The following KMT2D variants were observed in gnomAD, a reference collection of about 807,000 sequenced individuals.
KMT2D encodes the protein lysine methyltransferase 2D, also known as histone-lysine N-methyltransferase 2D.
KMT2D carries 55 observed loss-of-function variants against 512.7 expected under a neutral mutation model. The observed-to-expected ratio is 0.11, with a 90% CI of 0.09 to 0.13. KMT2D has a LOEUF of 0.13. Among genes scored for constraint, KMT2D ranks in the 10% least tolerant of loss-of-function variants. The pLI, the probability that KMT2D is intolerant of heterozygous loss-of-function variation, is 1.00. For synonymous variants in KMT2D, 2,995 were observed against 2,904.0 expected, an observed-to-expected ratio of 1.03 and a Z score of -1.01; for missense variants, 6,061 against 7,127.9, an observed-to-expected ratio of 0.85 and a Z score of 5.39.
At position 49,050,211 on chromosome 12, in the gene KMT2D, T is replaced by A; in HGVS notation, c.3377A>T (p.Asp1126Val). The A allele has an allele frequency of 1.2e-6, 2 of 1,613,630 alleles. No individual in the cohort carries two copies. The highest frequency in any genetic ancestry group is 1.7e-6 in the Non-Finnish European group (2 of 1,179,812). ...SGLGEDTAPLDGIDAPGSQPE... is the reference protein window; with the variant it reads ...SGLGEDTAPLVGIDAPGSQPE... ...CTGTGAACCCGGAGCATCAATCCCA[T>A]CCAGAGGGGCTGTGTCTTCCCCTAG... Residue 1126 changes from aspartate to valine, a missense_variant, in exon 12 of 55, where the codon GAT (aspartate) becomes GTT (valine). By Grantham distance (152) the Asp-to-Val change is radical. Transcript: ENST00000301067.
At position 49,033,593 on chromosome 12, in the gene KMT2D, A is replaced by C. The variant is rs975555902; in HGVS notation, c.11112T>G (p.Leu3704=). The part of the protein sequence containing the change: ...GPSGGFFPGN[L]ALRSLGPDSR... Reference sequence around the variant, plus strand: ...AATCAGGTCCGAGGCTTCGAAGAGCAAGGTTGCCAGGGAAGAAGCCCCCTG... The same window carrying C: ...AATCAGGTCCGAGGCTTCGAAGAGCCAGGTTGCCAGGGAAGAAGCCCCCTG... The change falls in exon 40 of 55, where the codon CTT becomes CTG. Residue 3704 remains leucine (L), a synonymous_variant. Transcript: ENST00000301067. The C allele has an allele frequency of 6.2e-7, 1 of 1,613,532 alleles. No individual in the cohort carries two copies. The highest frequency in any genetic ancestry group is 8.5e-7 in the Non-Finnish European group (1 of 1,179,828).
intron 1 of KMT2D, among the ~76,000 whole-genome samples, chr12:49,055,845 T>C (rs1241620668): frequency 1.3e-5 from 2 of 151,970 alleles, no homozygotes; most frequent in African/African-American, 4.8e-5. Context: ...AGAGGCAGAG[T>C]CTGAGGCACT....
In KMT2D at chr12:49,052,596, G is replaced by A. The variant is rs1385730689; in HGVS notation, c.1226C>T (p.Pro409Leu). The A allele has an allele frequency of 6.2e-7, 1 of 1,613,408 alleles. No individual in the cohort carries two copies. Among genetic ancestry groups the A allele is most frequent in the African/African-American group, 1.3e-5 (1 of 75,008 alleles). Residue 409 changes from proline (P) to leucine (L), a missense_variant, in exon 10 of 55, where the codon CCA becomes CTA. This residue lies in a region of KMT2D where 848 missense variants were observed against 838.5 expected (regional missense o/e 1.01). Transcript: ENST00000301067. ...TTTGGCTTCACATTGCAGGGGCCCT[G>A]GTTCCTTGGGTTGCATAGAGGTCAC... The part of the protein sequence containing the change: ...GHVTSMQPKE[P>L]GPLQCEAKPL...
chr12:49,042,246 G>T lies in KMT2D; in HGVS notation c.5952C>A (p.Pro1984=), dbSNP rs587783721. 798 of 1,587,058 alleles carry T rather than the reference G, an allele frequency of 5.0e-4. No individual in the cohort carries two copies. Among genetic ancestry groups the T allele is most frequent in the Non-Finnish European group, 6.4e-4 (744 of 1,167,108 alleles). ...CCTCACCCTCCGTGGTGGGGGTTGT[G>T]GGGGTGGAGGGCGTGGTGCCACCTG... ...TGSGGTTPST[P]TTPTTEGEGD... Residue 1984 remains proline, a synonymous_variant, in exon 29 of 55, where the codon CCC becomes CCA. Coordinates refer to ENST00000301067, the MANE Select transcript of KMT2D (RefSeq NM_003482.4). The surrounding 1 kb of genome is among the most constrained non-coding windows in gnomAD (Gnocchi z 4.4).
rs1565812078 is a variant in KMT2D, at chr12:49,049,672, A to T, written c.3906+10T>A. 1.9e-6 allele frequency: 3 copies of T among 1,560,902 alleles called. No individual in the cohort carries two copies. Among genetic ancestry groups the T allele is most frequent in the Non-Finnish European group, 2.6e-6 (3 of 1,147,844 alleles). ...CTCTAATCACATCCCGCAGCTAGATAGCCCCTCACCTGTTTGATGCGGGAA... is the reference window on the plus strand; with the variant it reads ...CTCTAATCACATCCCGCAGCTAGATTGCCCCTCACCTGTTTGATGCGGGAA... On this transcript the variant is annotated intron_variant, in intron 12 of 54. Coordinates refer to ENST00000301067, the MANE Select transcript of KMT2D (RefSeq NM_003482.4).
At position 49,025,112 on chromosome 12, in the gene KMT2D, C is replaced by T. The variant is rs570341087; in HGVS notation, c.15785-166G>A. Reference sequence around the variant, plus strand: ...TCTTGGCCTCCTAGTCTCACTCTCTCTTAAGAAGCAGGAGGTTTCCAACCC... The same window carrying T: ...TCTTGGCCTCCTAGTCTCACTCTCTTTTAAGAAGCAGGAGGTTTCCAACCC... On this transcript the variant is annotated intron_variant, in intron 49 of 54. Transcript: ENST00000301067. Among the ~76,000 whole-genome samples the T allele has an allele frequency of 4.0e-3, 611 of 152,346 alleles. 3 individuals are homozygous for T. Among genetic ancestry groups the T allele is most frequent in the Middle Eastern group, 0.017 (5 of 294 alleles).
In KMT2D at chr12:49,039,083, G is replaced by T; in HGVS notation, c.8367-94C>A. 6.6e-7 allele frequency: 1 copy of T among 1,516,518 alleles called. No individual in the cohort carries two copies. Among genetic ancestry groups the T allele is most frequent in the East Asian group, 2.3e-5 (1 of 43,866 alleles). The allele number at this position is 1,516,518 out of a possible 1,614,324, so 93.9% of individuals were successfully genotyped here. A position where few individuals can be genotyped will look rare whatever the true frequency, so the allele number is the denominator to read the frequency against. On this transcript the variant is annotated intron_variant, in intron 34 of 54. Coordinates refer to ENST00000301067, the MANE Select transcript of KMT2D (RefSeq NM_003482.4). This position sits in a 1 kb window ranked among gnomAD's most constrained non-coding sequence, Gnocchi z 5.0. ...AGTGAGGAAGGATAGAATTAATGCA[G>T]TGAGGGAGAAAAGGAATGAGGAAGA... is the stretch of plus-strand genomic sequence containing the variant.
At position 49,019,123 on chromosome 12, in the gene KMT2D, GA is replaced by G; in HGVS notation, c.*2656del. The G allele has an allele frequency of 8.7e-7, 1 of 1,154,250 alleles. No homozygotes were observed. The highest frequency in any genetic ancestry group is 1.1e-6 in the Non-Finnish European group (1 of 933,746). The allele number at this position is 1,154,250 out of a possible 1,614,324, so 71.5% of individuals were successfully genotyped here. Reference sequence around the variant, plus strand: ...AAAACATGCCAAGGACAGGGGCGCTGAGGGTGGAGGGAGAGAGGGCGCTTTA... The same window carrying G: ...AAAACATGCCAAGGACAGGGGCGCTGGGGTGGAGGGAGAGAGGGCGCTTTA... On this transcript the variant is annotated 3_prime_UTR_variant, in exon 55 of 55. Transcript: ENST00000301067.
chr12:49,029,296 G>A, intron 44 of KMT2D, 60 bp from the exon 45 acceptor site: 10 of 1,594,198 alleles, frequency 6.3e-6, no homozygotes, highest in Non-Finnish European at 6.0e-6. Context: ...CCCAAATCTA[G>A]AGATGAATAG....
Position 49,051,912 on chromosome 12 carries a change from A to T in KMT2D, c.1771T>A (p.Ser591Thr), listed in dbSNP as rs2120678741. ...MSPPPEESPM[S>T]PPPEASRLFP... ...AGACGAGATGCCTCCGGTGGTGGAG[A>T]CATGGGTGACTCTTCAGGTGGAGGG... is the stretch of plus-strand genomic sequence containing the variant. Residue 591 changes from serine (S) to threonine (T), a missense_variant, in exon 11 of 55, where the codon TCT (serine) becomes ACT (threonine). Transcript: ENST00000301067. 6.2e-7 allele frequency: 1 copy of T among 1,613,084 alleles called. No individual in the cohort carries two copies. The highest frequency in any genetic ancestry group is 8.5e-7 in the Non-Finnish European group (1 of 1,179,632).
Position 49,026,423 on chromosome 12 carries a change from C to G in KMT2D, c.15543G>C (p.Gly5181=). ...GTCCGATGGCGTGGAACACAAGGCC[C>G]CCCACACGGAACATGTGCAGCCGTT... The part of the protein sequence containing the change: ...RGERLHMFRV[G]GLVFHAIGQL... Residue 5181 remains glycine, a synonymous_variant, in exon 49 of 55, where the codon GGG becomes GGC. Transcript: ENST00000301067. The surrounding 1 kb of genome is among the most constrained non-coding windows in gnomAD (Gnocchi z 9.6). 3 of 1,613,950 alleles carry G rather than the reference C, an allele frequency of 1.9e-6. No homozygotes were observed. The highest frequency in any genetic ancestry group is 2.5e-6 in the Non-Finnish European group (3 of 1,179,864).
Position 49,054,688 on chromosome 12 carries a change from C to T in KMT2D, c.240G>A (p.Arg80=), listed in dbSNP as rs1159354145. The T allele has an allele frequency of 6.2e-7, 1 of 1,613,046 alleles. No individual in the cohort carries two copies. Among genetic ancestry groups the T allele is most frequent in the Non-Finnish European group, 8.5e-7 (1 of 1,179,428 alleles). The change falls in exon 4 of 55, where the codon CGG becomes CGA. Residue 80 remains arginine, a synonymous_variant. Transcript: ENST00000301067. This position sits in a 1 kb window ranked among gnomAD's most constrained non-coding sequence, Gnocchi z 6.4. ...NCGEPSLHGQ[R]ELRRFELPFD... ...ATGGCAACTCAAAGCGCCGTAGCTC[C>T]CGCTGCCCGTGTAGACTGGGCTCCC...
Position 49,060,205 on chromosome 12 carries a change from G to A in KMT2D, c.-630C>T, listed in dbSNP as rs1185795140. Among the ~76,000 whole-genome samples, 1 of 151,836 alleles carries A rather than the reference G, an allele frequency of 6.6e-6. No homozygotes were observed. The highest frequency in any genetic ancestry group is 1.5e-5 in the Non-Finnish European group (1 of 67,882). On this transcript the variant is annotated 5_prime_UTR_variant, in exon 1 of 55. Transcript: ENST00000301067. ...GGGCTGAACCTGACACACACCCAGC[G>A]CCGGGCTTCTCGACCCCGAGCGCTC...
At position 49,046,347 on chromosome 12, in the gene KMT2D, C is replaced by G. The variant is rs746433168; in HGVS notation, c.4496G>C (p.Gly1499Ala). The change falls in exon 17 of 55, where the codon GGG (glycine) becomes GCG (alanine). Residue 1499 changes from glycine (G) to alanine (A), a missense_variant. Gly to Ala is a moderately conservative substitution (Grantham distance 60). Coordinates refer to ENST00000301067, the MANE Select transcript of KMT2D (RefSeq NM_003482.4). This position sits in a 1 kb window ranked among gnomAD's most constrained non-coding sequence, Gnocchi z 4.2. ...CEWQNSYTHCGPCASLVTCPI... is the reference protein window; with the variant it reads ...CEWQNSYTHCAPCASLVTCPI... ...GCAGGTCACCAGGCTGGCACAGGGC[C>G]CACAGTGTGTGTAACTATTCTGCCA... 4 of 1,613,964 alleles carry G rather than the reference C, an allele frequency of 2.5e-6. No individual in the cohort carries two copies. The South Asian group carries it at 4.4e-5, about 18-fold the overall frequency.
Position 49,041,724 on chromosome 12 carries a change from A to C in KMT2D, c.6184-19T>G. The C allele has an allele frequency of 1.9e-6, 3 of 1,605,774 alleles. No homozygotes were observed. The highest frequency in any genetic ancestry group is 2.6e-6 in the Non-Finnish European group (3 of 1,175,820). On this transcript the variant is annotated intron_variant, in intron 30 of 54. Coordinates refer to ENST00000301067, the MANE Select transcript of KMT2D (RefSeq NM_003482.4). The surrounding 1 kb of genome is among the most constrained non-coding windows in gnomAD (Gnocchi z 5.4). Reference sequence around the variant, plus strand: ...CCTTTTGCTGAGGGATATGGGACACAGCCTTAGGGCCTAGTGCTTGGTCTC... The same window carrying C: ...CCTTTTGCTGAGGGATATGGGACACCGCCTTAGGGCCTAGTGCTTGGTCTC...
chr12:49,040,060 G>A lies in KMT2D; in HGVS notation c.7710C>T (p.Pro2570=), dbSNP rs727503984. 4 of 1,613,950 alleles carry A rather than the reference G, an allele frequency of 2.5e-6. No individual in the cohort carries two copies. The highest frequency in any genetic ancestry group is 1.1e-5 in the South Asian group (1 of 91,072). ...HGINSHFGPG[P]TLGKPQSTNY... ...TTGTGCTTTGAGGCTTGCCCAAGGT[G>A]GGGCCGGGCCCAAAATGGCTGTTGA... Residue 2570 remains proline, a synonymous_variant, in exon 32 of 55, where the codon CCC becomes CCT. Transcript: ENST00000301067.
In KMT2D at chr12:49,051,164, G is replaced by C. The variant is rs1937962780; in HGVS notation, c.2519C>G (p.Pro840Arg). 6.6e-7 allele frequency: 1 copy of C among 1,517,296 alleles called. No individual in the cohort carries two copies. 94.0% of individuals were successfully genotyped at this position (1,517,296 alleles called of 1,614,324 possible). ...TTCCTCAGGCCGGGGGGACAGGCAT[G>C]GCTCCTCAGACTGGGGGGACAGGTG... is the stretch of plus-strand genomic sequence containing the variant. ...ESHLSPQSEEPCLSPRPEESH... is the reference protein window; with the variant it reads ...ESHLSPQSEERCLSPRPEESH... Residue 840 changes from proline to arginine, a missense_variant, in exon 11 of 55, where the codon CCA becomes CGA. Pro to Arg is a moderately radical substitution (Grantham distance 103). Around this residue, in one of 16 missense-constraint regions of KMT2D, gnomAD observed 848 missense variants for 838.5 expected, o/e 1.01. Transcript: ENST00000301067.
rs2120484466 is a variant in KMT2D at position 49,037,702 on chromosome 12, C to T, written c.9654G>A (p.Gly3218=). The stretch of plus-strand genomic sequence containing the variant: ...CAGGTCCACCAGGCAAGGTCAAAGC[C>T]CCACTCTCGAGCTCAAACTTTTCCA... The part of the protein sequence containing the change: ...SLLEKFELES[G]ALTLPGGPAA... The change falls in exon 35 of 55, where the codon GGG becomes GGA. Residue 3218 remains glycine (G), a synonymous_variant. Coordinates refer to ENST00000301067, the MANE Select transcript of KMT2D (RefSeq NM_003482.4). 6.3e-7 allele frequency: 1 copy of T among 1,586,498 alleles called. No homozygotes were observed. The highest frequency in any genetic ancestry group is 8.6e-7 in the Non-Finnish European group (1 of 1,166,328).
intron 1 of KMT2D, among the ~76,000 whole-genome samples, chr12:49,056,599 G>C (rs1252203817): frequency 6.6e-6 from 1 of 152,196 alleles, no homozygotes; most frequent in East Asian, 1.9e-4. Flanking sequence ...TGTTCCTAGA[G>C]AAAGTGGTGG....
Sources: gnomAD v4.1 joint callset for allele counts (sites outside exome capture counted in the v4.1 genomes callset) on GRCh38, gnomAD v4.1.1 for gene constraint, gnomAD v4.1.1 regional missense constraint, Gnocchi (gnomAD v3.1) non-coding constraint, MANE v1.5 for transcripts, NCBI Gene and HGNC (gene_info 2026-07-23, HGNC 2026-07-21) for gene names.